Variants in PTPRG observed in about 807,000 individuals in gnomAD.
The protein encoded by PTPRG is receptor-type tyrosine-protein phosphatase gamma.
In PTPRG, 102 loss-of-function variants were observed where a neutral mutation model predicts 165.3. That is an observed-to-expected ratio of 0.62 (90% CI 0.53 to 0.73). The LOEUF (loss-of-function observed/expected upper bound fraction) is 0.73. PTPRG is among the 30% of genes least tolerant of loss of function. The pLI, the probability that PTPRG is intolerant of heterozygous loss-of-function variation, is 0.00. For synonymous variants in PTPRG, 675 were observed against 669.5 expected (o/e 1.01, Z -0.13); for missense variants, 1,866 against 1,861.4 (o/e 1.00, Z -0.05).
intron 2 of PTPRG, among the ~76,000 whole-genome samples, chr3:61,900,483 CTG>C (rs1445698424): frequency 6.6e-5 from 10 of 152,154 alleles, no homozygotes; most frequent in Non-Finnish European, 1.0e-4. Context: ...GGCAAAGACT[CTG>C]TAAGTCCCCA....
intron 2 of PTPRG, among the ~76,000 whole-genome samples, chr3:61,763,357 C>A (rs1300783948): frequency 1.3e-5 from 2 of 152,178 alleles, no homozygotes; most frequent in South Asian, 4.2e-4. Context: ...CCTGCCTCAG[C>A]CTCCCAAGTA....
At chr3:62,139,087 T>G (rs538573552) in intron 6 of PTPRG, among the ~76,000 whole-genome samples, 2 of 152,330 alleles carry the variant, frequency 1.3e-5, no homozygotes, top group African/African-American at 4.8e-5. Context: ...ACTGTCACTT[T>G]CCTCTCCTGG....
At chr3:62,137,376 T>A (rs1703748851) in intron 6 of PTPRG, among the ~76,000 whole-genome samples, 2 of 152,148 alleles carry the variant, frequency 1.3e-5, no homozygotes. Flanking sequence ...AAAAATATAG[T>A]CTTTCCTTCT....
Position 62,203,199 on chromosome 3 carries a change from C to T in PTPRG, c.1404C>T (p.Ala468=), listed in dbSNP as rs769737875. The T allele has an allele frequency of 1.4e-5, 22 of 1,599,830 alleles. No homozygotes were observed. Among genetic ancestry groups the T allele is most frequent in the South Asian group, 6.7e-5 (6 of 89,988 alleles). Residue 468 remains alanine (A), a synonymous_variant, in exon 12 of 30, where the codon GCC becomes GCT. Coordinates refer to ENST00000474889, the MANE Select transcript of PTPRG (RefSeq NM_002841.4). This position sits in a 1 kb window ranked among gnomAD's most constrained non-coding sequence, Gnocchi z 6.4. ...CCACAGCGTCTCCTGCCTCTTCAGCCGACATGGCCCCCATCAGCTCGGGGT... is the reference window on the plus strand; with the variant it reads ...CCACAGCGTCTCCTGCCTCTTCAGCTGACATGGCCCCCATCAGCTCGGGGT... The part of the protein sequence containing the change: ...GVPTASPASS[A]DMAPISSGSS...
intron 17 of PTPRG, chr3:62,263,111 G>T: frequency 2.2e-6 from 1 of 453,338 alleles, no homozygotes; most frequent in Non-Finnish European, 3.9e-6. Flanking sequence ...AGCTTAATAA[G>T]GTGACTGAAA....
intron 14 of PTPRG, among the ~76,000 whole-genome samples, chr3:62,235,768 T>G (rs1701017830): frequency 6.6e-6 from 1 of 152,182 alleles, no homozygotes; most frequent in African/African-American, 2.4e-5. Flanking sequence ...TTTTGAAACA[T>G]TCTCTCCTCG....
At chr3:61,777,106 A>G (rs2034406557) in intron 2 of PTPRG, among the ~76,000 whole-genome samples, 1 of 152,184 alleles carries the variant, frequency 6.6e-6, no homozygotes. Context: ...TGTCTCTGGA[A>G]TATCAGAAAT....
At chr3:61,800,122 T>A (rs1343396623) in intron 2 of PTPRG, among the ~76,000 whole-genome samples, 1 of 152,164 alleles carries the variant, frequency 6.6e-6, no homozygotes, top group Non-Finnish European at 1.5e-5. Context: ...CCTGGAAAAT[T>A]GTAATTACTG....
intron 2 of PTPRG, among the ~76,000 whole-genome samples, chr3:61,868,424 C>A (rs1037956317): frequency 1.3e-5 from 2 of 152,168 alleles, no homozygotes; most frequent in Non-Finnish European, 2.9e-5. Flanking sequence ...CTGCCCTCTG[C>A]CCCCTGCCCC....
intron 6 of PTPRG, among the ~76,000 whole-genome samples, chr3:62,143,659 A>T (rs1356108465): frequency 6.6e-6 from 1 of 151,066 alleles, no homozygotes; most frequent in East Asian, 2.0e-4. Flanking sequence ...AATGAGCTTT[A>T]TTAAAAGTCT....
At position 61,603,936 on chromosome 3, in the gene PTPRG, A is replaced by G. The variant is rs569309677; in HGVS notation, c.85+41564A>G. Among the ~76,000 whole-genome samples the G allele has an allele frequency of 2.6e-5, 4 of 152,334 alleles. No individual in the cohort carries two copies. In the South Asian group the frequency reaches 6.2e-4, roughly 24 times the overall value. On this transcript the variant is annotated intron_variant, in intron 1 of 29. Transcript: ENST00000474889. ...CAATATGACTTCACCTTAACCAGTT[A>G]TATCCACAGTGACCCTATTTCCAAA...
intron 2 of PTPRG, among the ~76,000 whole-genome samples, chr3:61,959,416 G>A (rs2040101171): frequency 6.6e-6 from 1 of 152,270 alleles, no homozygotes. Context: ...GGATGAAACT[G>A]TTCCACCTCA....
At chr3:61,927,311 T>C (rs2039244244) in intron 2 of PTPRG, among the ~76,000 whole-genome samples, 1 of 152,326 alleles carries the variant, frequency 6.6e-6, no homozygotes, top group South Asian at 2.1e-4. Flanking sequence ...CTTCAGGTCT[T>C]GGACAACAGC....
chr3:61,764,273 C>G (rs1220898017), intron 2 of PTPRG, among the ~76,000 whole-genome samples: 1 of 152,048 alleles, frequency 6.6e-6, no homozygotes, highest in African/African-American at 2.4e-5. Context: ...TGGAGAAATA[C>G]AGTGAGTGGA....
intron 2 of PTPRG, among the ~76,000 whole-genome samples, chr3:61,979,842 A>G (rs1434408464): frequency 6.6e-6 from 1 of 152,012 alleles, no homozygotes; most frequent in East Asian, 1.9e-4. Context: ...TCCTGTCTGC[A>G]CCCTGTGAAG....
chr3:62,120,263 C>T (rs1014040963), intron 5 of PTPRG, among the ~76,000 whole-genome samples: 1 of 133,824 alleles, frequency 7.5e-6, no homozygotes, highest in African/African-American at 2.6e-5. Context: ...GGTGTTGATC[C>T]AGGATACGGT....
At chr3:61,671,718 G>A (rs1278932929) in intron 1 of PTPRG, among the ~76,000 whole-genome samples, 9 of 147,916 alleles carry the variant, frequency 6.1e-5, no homozygotes, top group Admixed American at 4.0e-4. Context: ...AGGGGCGGCC[G>A]GGCAGAGGCG....
chr3:61,799,717 T>G (rs2035174544), intron 2 of PTPRG, among the ~76,000 whole-genome samples: 1 of 152,214 alleles, frequency 6.6e-6, no homozygotes, highest in South Asian at 2.1e-4. Context: ...AGTTGGTATT[T>G]GTTAGATTTC....
chr3:62,030,472 T>C (rs7632225), intron 4 of PTPRG, among the ~76,000 whole-genome samples: 62,793 of 151,474 alleles, frequency 0.41, 14,430 homozygotes, highest in African/African-American at 0.62. Context: ...AAAGTTTCAT[T>C]CTATGGACTT....
Sources: gnomAD v4.1 joint callset for allele counts (sites outside exome capture counted in the v4.1 genomes callset) on GRCh38, gnomAD v4.1.1 for gene constraint, Gnocchi (gnomAD v3.1) non-coding constraint, MANE v1.5 for transcripts, NCBI Gene and HGNC (gene_info 2026-07-23, HGNC 2026-07-21) for gene names.